COG5: variants seen among roughly 807,000 people sequenced by gnomAD.
COG5 encodes component of oligomeric golgi complex 5.
A neutral mutation model predicts 110.4 loss-of-function variants in COG5; 86 were observed. The ratio of observed to expected loss-of-function variants is 0.78; its 90% CI spans 0.65 to 0.93. The LOEUF (loss-of-function observed/expected upper bound fraction) is 0.93. Among genes scored for constraint, COG5 ranks in the 40% least tolerant of loss-of-function variants. The pLI is 0.00. For synonymous variants in COG5, 360 were observed against 334.6 expected, an observed-to-expected ratio of 1.08 and a Z score of -0.83; for missense variants, 1,077 against 987.0, an observed-to-expected ratio of 1.09 and a Z score of -1.22.
chr7:107,469,807 T>A (rs558734657), intron 6 of COG5, among the ~76,000 whole-genome samples: 3 of 152,252 alleles, frequency 2.0e-5, no homozygotes, highest in African/African-American at 7.2e-5. Context: ...ATGTTTGGCA[T>A]AAGTGACCAA....
intron 6 of COG5, among the ~76,000 whole-genome samples, chr7:107,492,168 AGTGTGTGTGTGT>A (rs61526384): frequency 1.4e-5 from 2 of 141,734 alleles, no homozygotes; most frequent in African/African-American, 2.6e-5. Flanking sequence ...AACAATGGGT[AGTGTGTGTGTGT>A]GTGTGTGTGT....
Position 107,507,764 on chromosome 7 carries a change from T to C in COG5, c.538+19473A>G, listed in dbSNP as rs533376943. Among the ~76,000 whole-genome samples, 236 of 152,270 alleles carry C rather than the reference T, an allele frequency of 1.5e-3. 1 individual carries two copies. Among genetic ancestry groups the C allele is most frequent in the Non-Finnish European group, 8.8e-4 (60 of 68,026 alleles). On this transcript the variant is annotated intron_variant, in intron 6 of 21. Transcript: ENST00000297135. ...AGTGAGAAACGTTTGCCTATAAGTA[T>C]TGTTTTATCAGATTAAGAAATATCA...
intron 6 of COG5, among the ~76,000 whole-genome samples, chr7:107,508,249 G>C (rs1161312770): frequency 6.6e-6 from 1 of 152,242 alleles, no homozygotes; most frequent in Non-Finnish European, 1.5e-5. Flanking sequence ...ACCTGGCTCG[G>C]AGGGTCCTAT....
chr7:107,213,261 G>C (rs1428377480), intron 19 of COG5, among the ~76,000 whole-genome samples: 1 of 152,108 alleles, frequency 6.6e-6, no homozygotes. Context: ...CCCACCCCAA[G>C]GCCCTACCCA....
chr7:107,392,753 CT>C (rs1790714680), intron 7 of COG5, among the ~76,000 whole-genome samples: 1 of 151,646 alleles, frequency 6.6e-6, no homozygotes, highest in South Asian at 2.1e-4. Flanking sequence ...GAAAAAGTCA[CT>C]ACCATGTCCT....
At chr7:107,250,172 G>T (rs1802384396) in intron 16 of COG5, among the ~76,000 whole-genome samples, 1 of 152,156 alleles carries the variant, frequency 6.6e-6, no homozygotes, top group Non-Finnish European at 1.5e-5. Flanking sequence ...TAAGGCCACG[G>T]CAGTGGTACA....
intron 6 of COG5, among the ~76,000 whole-genome samples, chr7:107,441,256 A>T (rs1372958277): frequency 1.0e-4 from 3 of 30,114 alleles, no homozygotes; most frequent in South Asian, 5.6e-4. Context: ...ACTCCGTCTC[A>T]AAAAAAAAAA....
chr7:107,425,000 A>C (rs1168880595), intron 6 of COG5, among the ~76,000 whole-genome samples: 1 of 152,202 alleles, frequency 6.6e-6, no homozygotes, highest in Non-Finnish European at 1.5e-5. Context: ...CTTTACCACA[A>C]TACTCCTCAA....
At chr7:107,403,016 T>A (rs1025668370) in intron 7 of COG5, among the ~76,000 whole-genome samples, 1 of 152,234 alleles carries the variant, frequency 6.6e-6, no homozygotes, top group Non-Finnish European at 1.5e-5. Flanking sequence ...TTTTGCAATA[T>A]GATAGTATTT....
chr7:107,512,543 C>T (rs1210804890), intron 6 of COG5, among the ~76,000 whole-genome samples: 1 of 152,156 alleles, frequency 6.6e-6, no homozygotes, highest in Non-Finnish European at 1.5e-5. Flanking sequence ...TTGGAAAAAA[C>T]TACTTTAAAC....
intron 5 of COG5, among the ~76,000 whole-genome samples, chr7:107,529,820 G>A (rs1241393956): frequency 2.0e-5 from 3 of 152,066 alleles, no homozygotes; most frequent in Non-Finnish European, 4.4e-5. Context: ...CCCCTCAGTC[G>A]AATTCTTTCT....
At chr7:107,492,500 T>C (rs1408821931) in intron 6 of COG5, among the ~76,000 whole-genome samples, 1 of 152,110 alleles carries the variant, frequency 6.6e-6, no homozygotes, top group Non-Finnish European at 1.5e-5. Context: ...GAGAATCTGT[T>C]TCCCTGGTCA....
intron 19 of COG5, among the ~76,000 whole-genome samples, chr7:107,223,097 C>T (rs1352034933): frequency 6.6e-6 from 1 of 152,168 alleles, no homozygotes; most frequent in Non-Finnish European, 1.5e-5. Context: ...GCCATCACCC[C>T]ATCTTGACCT....
chr7:107,394,160 T>C (rs1400876713), intron 7 of COG5, among the ~76,000 whole-genome samples: 1 of 152,034 alleles, frequency 6.6e-6, no homozygotes, highest in Non-Finnish European at 1.5e-5. Context: ...AGACAGGGTT[T>C]CACTGTGTTA....
chr7:107,563,608 G>A, intron 1 of COG5, 195 bp downstream of exon 1: 1 of 650,134 alleles, frequency 1.5e-6, no homozygotes, highest in Non-Finnish European at 2.8e-6. Flanking sequence ...CAAGACTCCA[G>A]AAAAGAGGGA....
chr7:107,557,367 T>G (rs1180784591), intron 2 of COG5, among the ~76,000 whole-genome samples: 1 of 152,184 alleles, frequency 6.6e-6, no homozygotes, highest in Admixed American at 6.5e-5. Flanking sequence ...TTACAGAATT[T>G]TAGTAGAGGA....
intron 14 of COG5, among the ~76,000 whole-genome samples, chr7:107,273,929 G>A (rs559849814): frequency 2.0e-5 from 3 of 152,250 alleles, no homozygotes; most frequent in African/African-American, 7.2e-5. Flanking sequence ...AATGTGATAA[G>A]AGGTCAACAT....
At chr7:107,379,160 C>G (rs1360358831) in intron 7 of COG5, among the ~76,000 whole-genome samples, 1 of 152,168 alleles carries the variant, frequency 6.6e-6, no homozygotes, top group Non-Finnish European at 1.5e-5. Context: ...AATTTCATAT[C>G]CAGCCAAACT....
intron 6 of COG5, among the ~76,000 whole-genome samples, chr7:107,499,620 T>C (rs1798510592): frequency 6.6e-6 from 1 of 152,052 alleles, no homozygotes; most frequent in Non-Finnish European, 1.5e-5. Flanking sequence ...TTGGCCCAGC[T>C]GGTCTCGAAC....
Sources: gnomAD v4.1 joint callset for allele counts (sites outside exome capture counted in the v4.1 genomes callset) on GRCh38, gnomAD v4.1.1 for gene constraint, MANE v1.5 for transcripts, NCBI Gene and HGNC (gene_info 2026-07-23, HGNC 2026-07-21) for gene names.